The following RSPO2 variants were observed in gnomAD, a reference collection of about 807,000 sequenced individuals.
RSPO2 encodes R-spondin 2.
Under a neutral mutation model 30.9 loss-of-function variants are expected in RSPO2, and 14 were observed. The observed-to-expected ratio is 0.45, with a 90% CI of 0.30 to 0.71. The LOEUF is 0.71. Ranked by LOEUF, RSPO2 falls within the 30% of genes least tolerant of loss-of-function variation. The pLI is 0.08. For synonymous variants in RSPO2, 107 were observed against 96.4 expected (o/e 1.11, Z -0.64); for missense variants, 264 against 301.9 (o/e 0.87, Z 0.93).
intron 3 of RSPO2, chr8:107,983,911 T>C (rs1814536735): frequency 7.8e-7 from 1 of 1,280,402 alleles, no homozygotes; most frequent in Non-Finnish European, 1.1e-6. Flanking sequence ...ATTTTCCATC[T>C]ACAGAACTTC....
rs768464293 is a variant in RSPO2, at chr8:107,989,181, C to T, written c.158G>A (p.Ser53Asn). The change falls in exon 3 of 6, where the codon AGC (serine) becomes AAC (asparagine). Residue 53 changes from serine to asparagine, a missense_variant. Coordinates refer to ENST00000276659, the MANE Select transcript of RSPO2 (RefSeq NM_178565.5). ...CLSCSKDNGC[S>N]RCQQKLFFFL... ...GAAGAACAACTTCTGTTGACATCGG[C>T]TACACCCATTGTCCTTTGAACAAGA... 1 of 1,610,654 alleles carries T rather than the reference C, an allele frequency of 6.2e-7. No homozygotes were observed. The highest frequency in any genetic ancestry group is 1.7e-5 in the Admixed American group (1 of 59,246).
intron 2 of RSPO2, among the ~76,000 whole-genome samples, chr8:108,011,528 A>G (rs1292883052): frequency 6.6e-6 from 1 of 152,214 alleles, no homozygotes; most frequent in East Asian, 1.9e-4. Context: ...CTCTCTTCAA[A>G]TGTTTTAAAG....
Position 107,987,650 on chromosome 8 carries a change from A to T in RSPO2, c.283+1406T>A, listed in dbSNP as rs992323917. On this transcript the variant is annotated intron_variant, in intron 3 of 5. Coordinates refer to ENST00000276659, the MANE Select transcript of RSPO2 (RefSeq NM_178565.5). ...CAGGTCCCATGAAACAGAGAACTGC[A>T]TTGCCAAAATGCCAAATAACACTCC... 2.6e-5 allele frequency among the ~76,000 whole-genome samples: 4 copies of T among 152,248 alleles called. No individual in the cohort carries two copies. The South Asian group carries it at 6.2e-4, about 24-fold the overall frequency.
At chr8:107,957,492 G>A (rs1044293122) in intron 5 of RSPO2, among the ~76,000 whole-genome samples, 1 of 152,114 alleles carries the variant, frequency 6.6e-6, no homozygotes, top group Non-Finnish European at 1.5e-5. Context: ...CTGCAAATCA[G>A]CACAATTACT....
chr8:108,028,716 G>C (rs968617714), intron 2 of RSPO2, among the ~76,000 whole-genome samples: 27 of 152,308 alleles, frequency 1.8e-4, no homozygotes, highest in African/African-American at 6.3e-4. Flanking sequence ...TATCTCATAT[G>C]TTGTAGTATG....
At chr8:107,957,085 G>A (rs1321716132) in intron 5 of RSPO2, among the ~76,000 whole-genome samples, 3 of 152,108 alleles carry the variant, frequency 2.0e-5, no homozygotes, top group East Asian at 1.9e-4. Flanking sequence ...TAAAAGTATT[G>A]TCTTTCTCCA....
chr8:107,959,490 G>C (rs918979341), intron 4 of RSPO2, among the ~76,000 whole-genome samples: 4 of 152,132 alleles, frequency 2.6e-5, no homozygotes, highest in Non-Finnish European at 5.9e-5. Flanking sequence ...TGAGGGCTCA[G>C]GTCCAGAGTC....
intron 2 of RSPO2, among the ~76,000 whole-genome samples, chr8:108,070,724 C>A (rs1812820669): frequency 6.6e-6 from 1 of 152,092 alleles, no homozygotes; most frequent in South Asian, 2.1e-4. Context: ...GTGAAAGGTC[C>A]TTAGAGTTCA....
chr8:107,950,512 T>C (rs765451399), intron 5 of RSPO2, among the ~76,000 whole-genome samples: 1 of 151,614 alleles, frequency 6.6e-6, no homozygotes, highest in African/African-American at 2.4e-5. Context: ...TACCATGTTA[T>C]CTTATGTCTT....
At chr8:107,950,523 T>C (rs1339367241) in intron 5 of RSPO2, among the ~76,000 whole-genome samples, 2 of 152,026 alleles carry the variant, frequency 1.3e-5, no homozygotes, top group South Asian at 2.1e-4. Flanking sequence ...CTTATGTCTT[T>C]GTACATTAAG....
In RSPO2 at chr8:107,992,174, T is replaced by TATACACAC. The variant is rs1814868550; in HGVS notation, c.95-2931_95-2930insGTGTGTAT. Among the ~76,000 whole-genome samples the TATACACAC allele has an allele frequency of 1.4e-5, 2 of 141,964 alleles. 1 individual carries two copies. Among genetic ancestry groups the TATACACAC allele is most frequent in the South Asian group, 4.6e-4 (2 of 4,332 alleles). The allele number at this position is 141,964 out of a possible 152,430, so 93.1% of individuals were successfully genotyped here. ...AACTGACTGGATAAAGAAAATGTGA[T>TATACACAC]ACACACACACACACACACACACACA... On this transcript the variant is annotated intron_variant, in intron 2 of 5. Coordinates refer to ENST00000276659, the MANE Select transcript of RSPO2 (RefSeq NM_178565.5).
At chr8:108,062,560 A>T (rs1278052678) in intron 2 of RSPO2, among the ~76,000 whole-genome samples, 1 of 151,820 alleles carries the variant, frequency 6.6e-6, no homozygotes, top group South Asian at 2.1e-4. Flanking sequence ...CAACCAAAAA[A>T]AGTCCAGGAC....
chr8:108,063,236 C>CA (rs1319834633), intron 2 of RSPO2, among the ~76,000 whole-genome samples: 2 of 151,698 alleles, frequency 1.3e-5, no homozygotes, highest in African/African-American at 2.4e-5. Context: ...AAGAGGAAGT[C>CA]AATTGTCCCC....
intron 2 of RSPO2, among the ~76,000 whole-genome samples, chr8:108,017,319 A>G (rs1417253426): frequency 6.6e-6 from 1 of 152,124 alleles, no homozygotes. Context: ...ACCTGGCCAG[A>G]TATTTCTTTA....
At chr8:107,967,126 T>C (rs1451266957) in intron 3 of RSPO2, among the ~76,000 whole-genome samples, 2 of 152,176 alleles carry the variant, frequency 1.3e-5, no homozygotes, top group African/African-American at 4.8e-5. Context: ...AGCCAACCTC[T>C]AGAAACCTCT....
chr8:107,959,949 T>C (rs1248056258), intron 4 of RSPO2, among the ~76,000 whole-genome samples: 1 of 152,130 alleles, frequency 6.6e-6, no homozygotes, highest in Non-Finnish European at 1.5e-5. Context: ...GTGTTGTATA[T>C]CATATCAGAT....
chr8:107,983,016 G>A lies in RSPO2; in HGVS notation c.283+6040C>T, dbSNP rs2130507148. On this transcript the variant is annotated intron_variant, in intron 3 of 5. Coordinates refer to ENST00000276659, the MANE Select transcript of RSPO2 (RefSeq NM_178565.5). ...GACTGGCTCCTGGGGTGCAGAGAGG[G>A]GCCACAGTCTCTGCGGCTGTGTCAC... The A allele has an allele frequency of 1.1e-5, 9 of 783,906 alleles. No homozygotes were observed. In the South Asian group the frequency reaches 2.0e-4, roughly 17 times the overall value. 48.6% of individuals were successfully genotyped at this position (783,906 alleles called of 1,614,324 possible). A position where few individuals can be genotyped will look rare whatever the true frequency, so the allele number is the denominator to read the frequency against.
chr8:107,937,615 GAA>G (rs34321211), intron 5 of RSPO2, among the ~76,000 whole-genome samples: 2 of 146,138 alleles, frequency 1.4e-5, no homozygotes, highest in African/African-American at 5.0e-5. Context: ...TCATTTGAAG[GAA>G]AAAAAAAAAG....
chr8:108,005,664 T>C (rs188611140), intron 2 of RSPO2, among the ~76,000 whole-genome samples: 2 of 152,262 alleles, frequency 1.3e-5, no homozygotes, highest in East Asian at 1.9e-4. Flanking sequence ...CTCCAAAATA[T>C]TGTAGTTTTT....
Sources: gnomAD v4.1 joint callset for allele counts (sites outside exome capture counted in the v4.1 genomes callset) on GRCh38, gnomAD v4.1.1 for gene constraint, MANE v1.5 for transcripts, NCBI Gene and HGNC (gene_info 2026-07-23, HGNC 2026-07-21) for gene names.